The following CREBZF variants were observed in gnomAD, a reference collection of about 807,000 sequenced individuals.
CREBZF encodes CREB/ATF bZIP transcription factor.
Under a neutral mutation model 21.1 loss-of-function variants are expected in CREBZF, and 8 were observed. That is an observed-to-expected ratio of 0.38 (90% CI 0.22 to 0.68). The LOEUF (loss-of-function observed/expected upper bound fraction) is 0.68. CREBZF is among the 30% of genes least tolerant of loss of function. CREBZF has a pLI of 0.51. For missense variants in CREBZF, 518 were observed against 484.3 expected (o/e 1.07, Z -0.65); for synonymous variants, 270 against 223.3 (o/e 1.21, Z -1.86).
chr11:85,666,860 TC>T (rs1450835880), upstream of CREBZF, among the ~76,000 whole-genome samples: 1 of 152,138 alleles, frequency 6.6e-6, no homozygotes, highest in East Asian at 1.9e-4. Flanking sequence ...ATAAAAGGAC[TC>T]CTTGTCCTGC....
rs117919673 is a variant in CREBZF, at chr11:85,658,710, A to C, written c.*5101T>G. Among the ~76,000 whole-genome samples, 1,387 of 152,050 alleles carry C rather than the reference A, an allele frequency of 9.1e-3. 16 individuals carry two copies. Among genetic ancestry groups the C allele is most frequent in the South Asian group, 0.044 (213 of 4,824 alleles). The stretch of plus-strand genomic sequence containing the variant: ...TAAGACAATATATTTTATAAAGCCC[A>C]AATTATAGTACACTAAGAGCCAGAG... On this transcript the variant is annotated 3_prime_UTR_variant, in exon 1 of 1. Transcript: ENST00000527447.
Position 85,664,940 on chromosome 11 carries a change from TCCCAGGC to T in CREBZF, c.-72_-66del. 2.5e-6 allele frequency: 3 copies of T among 1,216,492 alleles called. No homozygotes were observed. Among genetic ancestry groups the T allele is most frequent in the South Asian group, 2.0e-5 (1 of 51,058 alleles). 75.4% of individuals were successfully genotyped at this position (1,216,492 alleles called of 1,614,324 possible). On this transcript the variant is annotated 5_prime_UTR_variant, in exon 1 of 1. Coordinates refer to ENST00000527447, the MANE Select transcript of CREBZF (RefSeq NM_001039618.4). The surrounding 1 kb of genome is among the most constrained non-coding windows in gnomAD (Gnocchi z 5.5). ...GAGTGGGCCTCACGGGCCCCAAGGATCCCAGGCCCCAGGGCGGGTAGCCCCCGGCACT... is the reference window on the plus strand; with the variant it reads ...GAGTGGGCCTCACGGGCCCCAAGGATCCCAGGGCGGGTAGCCCCCGGCACT...
At chr11:85,665,556 G>C (rs573224220), upstream of CREBZF, among the ~76,000 whole-genome samples, 26 of 149,010 alleles carry the variant, frequency 1.7e-4, no homozygotes, top group African/African-American at 6.0e-4. Context: ...GATGTCCTCA[G>C]TTGGATAATG....
intron 1 of CREBZF, among the ~76,000 whole-genome samples, chr11:85,671,681 C>T (rs745313674): frequency 2.6e-5 from 4 of 152,252 alleles, no homozygotes; most frequent in Non-Finnish European, 5.9e-5. Context: ...CTTAAATCTC[C>T]ATAATGATCT....
At chr11:85,680,016 G>A (rs1255742403) in intron 1 of CREBZF, among the ~76,000 whole-genome samples, 1 of 152,186 alleles carries the variant, frequency 6.6e-6, no homozygotes, top group Non-Finnish European at 1.5e-5. Context: ...ACATTAAGAA[G>A]TTTCTTTCCC....
intron 1 of CREBZF, among the ~76,000 whole-genome samples, chr11:85,674,212 A>G (rs1463753724): frequency 1.3e-5 from 2 of 152,210 alleles, no homozygotes; most frequent in African/African-American, 4.8e-5. Context: ...GTATTTCTGA[A>G]ACAATAAGAT....
rs1440775924 is a variant in CREBZF at position 85,664,893 on chromosome 11, C to G, written c.-18G>C. 6.9e-7 allele frequency: 1 copy of G among 1,439,112 alleles called. No individual in the cohort carries two copies. The highest frequency in any genetic ancestry group is 1.5e-5 in the South Asian group (1 of 65,880). 89.1% of individuals were successfully genotyped at this position (1,439,112 alleles called of 1,614,324 possible). A position where few individuals can be genotyped will look rare whatever the true frequency, so the allele number is the denominator to read the frequency against. ...TGCCTCATGAGGGCCAGCGGCGGGC[C>G]GCGGTAGGCCCCGGCCGCTAAGAGT... On this transcript the variant is annotated 5_prime_UTR_variant, in exon 1 of 1. Transcript: ENST00000527447. This position sits in a 1 kb window ranked among gnomAD's most constrained non-coding sequence, Gnocchi z 5.5.
In CREBZF at chr11:85,664,914, A is replaced by G. The variant is rs1287371435; in HGVS notation, c.-39T>C. Reference sequence around the variant, plus strand: ...GGGCCGCGGTAGGCCCCGGCCGCTAAGAGTGGGCCTCACGGGCCCCAAGGA... The same window carrying G: ...GGGCCGCGGTAGGCCCCGGCCGCTAGGAGTGGGCCTCACGGGCCCCAAGGA... On this transcript the variant is annotated 5_prime_UTR_variant, in exon 1 of 1. Transcript: ENST00000527447. This position sits in a 1 kb window ranked among gnomAD's most constrained non-coding sequence, Gnocchi z 5.5. 2.2e-6 allele frequency: 3 copies of G among 1,383,986 alleles called. No homozygotes were observed. Among genetic ancestry groups the G allele is most frequent in the Non-Finnish European group, 2.8e-6 (3 of 1,060,874 alleles). The allele number at this position is 1,383,986 out of a possible 1,614,324, so 85.7% of individuals were successfully genotyped here. A position where few individuals can be genotyped will look rare whatever the true frequency, so the allele number is the denominator to read the frequency against.
chr11:85,673,213 A>G (rs2082923399), intron 1 of CREBZF, among the ~76,000 whole-genome samples: 1 of 152,216 alleles, frequency 6.6e-6, no homozygotes, highest in South Asian at 2.1e-4. Context: ...GCACCCATAT[A>G]CATTTACTGG....
intron 1 of CREBZF, among the ~76,000 whole-genome samples, chr11:85,670,300 C>CTTTTTTTT (rs1178979017): frequency 7.6e-5 from 3 of 39,216 alleles, no homozygotes; most frequent in East Asian, 1.0e-3. Flanking sequence ...ATCTCAAGTT[C>CTTTTTTTT]TTTTTTTTTT....
upstream of CREBZF, among the ~76,000 whole-genome samples, chr11:85,669,182 T>G (rs2082894341): frequency 1.3e-5 from 2 of 152,194 alleles, no homozygotes; most frequent in South Asian, 4.1e-4. Flanking sequence ...ATGTAAAAAC[T>G]GTGTGAGGTT....
rs1185923718 is a variant in CREBZF at position 85,663,504 on chromosome 11, G to T, written c.*307C>A. On this transcript the variant is annotated 3_prime_UTR_variant, in exon 1 of 1. Coordinates refer to ENST00000527447, the MANE Select transcript of CREBZF (RefSeq NM_001039618.4). The stretch of plus-strand genomic sequence containing the variant: ...CAAAGCAGCAGAGCATGAGCGTTAC[G>T]GGAAGAGATGGATCCTTACCAGGTT... 2.3e-6 allele frequency: 2 copies of T among 886,884 alleles called. No individual in the cohort carries two copies. Among genetic ancestry groups the T allele is most frequent in the South Asian group, 1.4e-5 (1 of 70,856 alleles). The allele number at this position is 886,884 out of a possible 1,614,324, so 54.9% of individuals were successfully genotyped here. A position where few individuals can be genotyped will look rare whatever the true frequency, so the allele number is the denominator to read the frequency against.
chr11:85,665,921 C>T (rs1160613676), upstream of CREBZF, among the ~76,000 whole-genome samples: 1 of 152,188 alleles, frequency 6.6e-6, no homozygotes, highest in African/African-American at 2.4e-5. Flanking sequence ...CAAAGACCAT[C>T]ACGACCTTAT....
At chr11:85,673,617 T>C (rs1591490601) in intron 1 of CREBZF, among the ~76,000 whole-genome samples, 1 of 152,190 alleles carries the variant, frequency 6.6e-6, no homozygotes, top group Non-Finnish European at 1.5e-5. Flanking sequence ...TTGCTGAAGG[T>C]TGGGGTGACT....
At chr11:85,673,264 T>C (rs1436919277) in intron 1 of CREBZF, among the ~76,000 whole-genome samples, 2 of 152,122 alleles carry the variant, frequency 1.3e-5, no homozygotes, top group East Asian at 1.9e-4. Flanking sequence ...TAGCAGGGAA[T>C]GGGTTAGTGT....
At chr11:85,682,419 A>G (rs17811160) in intron 1 of CREBZF, among the ~76,000 whole-genome samples, 1,836 of 152,264 alleles carry the variant, frequency 0.012, 20 homozygotes, top group Middle Eastern at 0.037. Flanking sequence ...TCGAAAGGGC[A>G]TTAGGGTGAA....
In CREBZF at chr11:85,664,891, G is replaced by T; in HGVS notation, c.-16C>A. The T allele has an allele frequency of 6.9e-7, 1 of 1,447,676 alleles. No individual in the cohort carries two copies. The highest frequency in any genetic ancestry group is 9.0e-7 in the Non-Finnish European group (1 of 1,106,700). 89.7% of individuals were successfully genotyped at this position (1,447,676 alleles called of 1,614,324 possible). ...TATGCCTCATGAGGGCCAGCGGCGG[G>T]CCGCGGTAGGCCCCGGCCGCTAAGA... On this transcript the variant is annotated 5_prime_UTR_variant, in exon 1 of 1. Transcript: ENST00000527447. This position sits in a 1 kb window ranked among gnomAD's most constrained non-coding sequence, Gnocchi z 5.5.
In CREBZF at chr11:85,676,970, CT is replaced by C. The variant is rs1422368391; in HGVS notation, n.147+5746del. On this transcript the variant is annotated intron_variant and non_coding_transcript_variant, in intron 1 of 3. Coordinates refer to the CREBZF transcript ENST00000531515. ...TAAAGTAATTTTTTTCTTTTTCTGT[CT>C]TTTTTTTTTTGAGACAGAATGTCAC... 4.1e-4 allele frequency among the ~76,000 whole-genome samples: 49 copies of C among 118,512 alleles called. 2 individuals are homozygous for C. Among genetic ancestry groups the C allele is most frequent in the South Asian group, 8.5e-4 (3 of 3,530 alleles). The allele number at this position is 118,512 out of a possible 152,430, so 77.7% of individuals were successfully genotyped here.
At chr11:85,669,710 CAA>C (rs1383362684), upstream of CREBZF, among the ~76,000 whole-genome samples, 3 of 152,144 alleles carry the variant, frequency 2.0e-5, no homozygotes, top group Non-Finnish European at 4.4e-5. Flanking sequence ...GAAATAAAGA[CAA>C]AAAGTTGGAG....
Sources: gnomAD v4.1 joint callset for allele counts (sites outside exome capture counted in the v4.1 genomes callset) on GRCh38, gnomAD v4.1.1 for gene constraint, Gnocchi (gnomAD v3.1) non-coding constraint, MANE v1.5 for transcripts, NCBI Gene and HGNC (gene_info 2026-07-23, HGNC 2026-07-21) for gene names.